BTG4: variants seen among roughly 807,000 people sequenced by gnomAD.
BTG4 encodes the protein protein BTG4.
BTG4 carries 10 observed loss-of-function variants against 19.3 expected under a neutral mutation model. That is an observed-to-expected ratio of 0.52 (90% CI 0.32 to 0.88). BTG4 has a LOEUF of 0.88. Among genes scored for constraint, BTG4 ranks in the 40% least tolerant of loss-of-function variants. The probability of loss-of-function intolerance (pLI) is 0.04; values close to 1 mark genes in which losing one functional copy is unlikely to be tolerated. For missense variants in BTG4, 238 were observed against 281.9 expected, an observed-to-expected ratio of 0.84 and a Z score of 1.11; for synonymous variants, 91 against 95.7, an observed-to-expected ratio of 0.95 and a Z score of 0.29.
chr11:111,423,231 C>T, the BTG4 span, among the ~76,000 whole-genome samples: 1 of 152,120 alleles, frequency 6.6e-6, no homozygotes, highest in South Asian at 2.1e-4. Flanking sequence ...TGGTGGCGGG[C>T]CCGGGAGACC....
the BTG4 span, among the ~76,000 whole-genome samples, chr11:111,427,851 A>G: frequency 6.6e-6 from 1 of 152,176 alleles, no homozygotes; most frequent in South Asian, 2.1e-4. Context: ...TCCTGGGTTG[A>G]CTTCATAGAA....
the BTG4 span, among the ~76,000 whole-genome samples, chr11:111,412,525 G>A: frequency 7.2e-5 from 11 of 152,096 alleles, no homozygotes; most frequent in Admixed American, 2.0e-4. Context: ...CTTTCAAAAG[G>A]GTTTGAGGCA....
chr11:111,388,870 A>T, the BTG4 span, among the ~76,000 whole-genome samples: 1 of 152,256 alleles, frequency 6.6e-6, no homozygotes, highest in Non-Finnish European at 1.5e-5. Flanking sequence ...GAGTTTGTCC[A>T]GTGATGGAGG....
chr11:111,494,570 A>G (rs981713437), downstream of BTG4, among the ~76,000 whole-genome samples: 2 of 152,210 alleles, frequency 1.3e-5, no homozygotes, highest in African/African-American at 2.4e-5. Flanking sequence ...TCAAATTTGT[A>G]GAGACATGGA....
chr11:111,444,298 CAGGGG>C, the BTG4 span, among the ~76,000 whole-genome samples: 7 of 104,536 alleles, frequency 6.7e-5, no homozygotes, highest in Non-Finnish European at 1.3e-4. Flanking sequence ...GAGGGGAAGG[CAGGGG>C]AGGGGAGGGG....
At chr11:111,490,741 A>C (rs1865367620), downstream of BTG4, among the ~76,000 whole-genome samples, 1 of 152,248 alleles carries the variant, frequency 6.6e-6, no homozygotes, top group African/African-American at 2.4e-5. Context: ...GAATGGCTGA[A>C]ATAAAAAATT....
chr11:111,430,414 T>C, the BTG4 span, among the ~76,000 whole-genome samples: 1 of 152,250 alleles, frequency 6.6e-6, no homozygotes, highest in African/African-American at 2.4e-5. Context: ...TGCATTTTTA[T>C]GTAAACACTA....
chr11:111,474,840 T>G (rs1864305616), intron 5 of BTG4, among the ~76,000 whole-genome samples: 1 of 152,212 alleles, frequency 6.6e-6, no homozygotes. Context: ...TTCATTTTTC[T>G]GGTGTGTGGT....
chr11:111,403,346 T>C, the BTG4 span, among the ~76,000 whole-genome samples: 4 of 152,218 alleles, frequency 2.6e-5, no homozygotes, highest in Non-Finnish European at 5.9e-5. Flanking sequence ...CTGCGTTAGG[T>C]AGGACTGAAA....
the BTG4 span, chr11:111,457,187 G>A: frequency 6.5e-6 from 1 of 152,966 alleles, no homozygotes; most frequent in African/African-American, 2.4e-5. Flanking sequence ...TCCCCGCTGG[G>A]GGCTCTCATG....
chr11:111,490,686 G>T (rs1865365070), downstream of BTG4, among the ~76,000 whole-genome samples: 3 of 152,114 alleles, frequency 2.0e-5, no homozygotes, highest in South Asian at 6.2e-4. Flanking sequence ...AGCCATGAGG[G>T]TCATGTAAAT....
At chr11:111,428,605 T>A in the BTG4 span, among the ~76,000 whole-genome samples, 1 of 152,230 alleles carries the variant, frequency 6.6e-6, no homozygotes, top group Non-Finnish European at 1.5e-5. Context: ...AATTAAATTC[T>A]AGCCCAGGGG....
At chr11:111,428,191 G>GTA in the BTG4 span, among the ~76,000 whole-genome samples, 26 of 152,190 alleles carry the variant, frequency 1.7e-4, no homozygotes, top group African/African-American at 6.3e-4. Context: ...ATTTGGTAGA[G>GTA]TATAGAATGG....
chr11:111,498,469 C>T lies in BTG4; in HGVS notation c.173+135G>A, dbSNP rs143840471. On this transcript the variant is annotated intron_variant, in intron 2 of 4. Transcript: ENST00000692032. ...ACTATGTCTCCTCCTTTCAATTCCA[C>T]GTTCAAACAAATAAACTCGAGCCCA... is the stretch of plus-strand genomic sequence containing the variant. 1,719 of 777,428 alleles carry T rather than the reference C, an allele frequency of 2.2e-3. 24 individuals are homozygous for T. In the East Asian group the frequency reaches 0.024, roughly 11 times the overall value. The allele number at this position is 777,428 out of a possible 1,614,324, so 48.2% of individuals were successfully genotyped here. A position where few individuals can be genotyped will look rare whatever the true frequency, so the allele number is the denominator to read the frequency against.
chr11:111,470,856 G>A (rs1403872546), intron 5 of BTG4, among the ~76,000 whole-genome samples: 1 of 152,120 alleles, frequency 6.6e-6, no homozygotes, highest in East Asian at 1.9e-4. Context: ...CCAGGAGTTT[G>A]AAGCTGAGGC....
At chr11:111,408,028 C>T in the BTG4 span, among the ~76,000 whole-genome samples, 1 of 152,222 alleles carries the variant, frequency 6.6e-6, no homozygotes, top group East Asian at 1.9e-4. Flanking sequence ...GGGGCTCCAT[C>T]AGTGCAAGTG....
At chr11:111,507,927 AG>A (rs1866573812) in intron 1 of BTG4, 2 of 152,240 alleles carry the variant, frequency 1.3e-5, no homozygotes, top group African/African-American at 4.8e-5. Context: ...AACTATCAAG[AG>A]GATAAAAGAG....
At chr11:111,455,724 T>C in the BTG4 span, 1 of 428,452 alleles carries the variant, frequency 2.3e-6, no homozygotes, top group Non-Finnish European at 4.8e-6. Flanking sequence ...AAACGTCCTT[T>C]TCCCACCCCT....
chr11:111,415,010 C>G, the BTG4 span: 1 of 152,196 alleles, frequency 6.6e-6, no homozygotes, highest in Non-Finnish European at 1.5e-5. Flanking sequence ...GAATAAAAGA[C>G]AGAAACAGTT....
Sources: gnomAD v4.1 joint callset for allele counts (sites outside exome capture counted in the v4.1 genomes callset) on GRCh38, gnomAD v4.1.1 for gene constraint, MANE v1.5 for transcripts, NCBI Gene and HGNC (gene_info 2026-07-23, HGNC 2026-07-21) for gene names.